The following PTPRD variants were observed in gnomAD, a reference collection of about 807,000 sequenced individuals.
The protein encoded by PTPRD is receptor-type tyrosine-protein phosphatase delta.
Under a neutral mutation model 214.5 loss-of-function variants are expected in PTPRD, and 34 were observed. The ratio of observed to expected loss-of-function variants is 0.16; its 90% CI spans 0.12 to 0.21. The LOEUF is 0.21. Among genes scored for constraint, PTPRD ranks in the 10% least tolerant of loss-of-function variants. The pLI, the probability that PTPRD is intolerant of heterozygous loss-of-function variation, is 1.00. For synonymous variants in PTPRD, 1,128 were observed against 845.7 expected (o/e 1.33, Z -5.79); for missense variants, 2,545 against 2,398.7 (o/e 1.06, Z -1.27).
intron 8 of PTPRD, among the ~76,000 whole-genome samples, chr9:9,415,905 A>G (rs1453174303): frequency 6.6e-6 from 1 of 152,186 alleles, no homozygotes; most frequent in Non-Finnish European, 1.5e-5. Flanking sequence ...CAGGGAGGAC[A>G]GAGCATCATT....
At chr9:9,634,124 T>C (rs1336083957) in intron 7 of PTPRD, among the ~76,000 whole-genome samples, 1 of 152,226 alleles carries the variant, frequency 6.6e-6, no homozygotes, top group Middle Eastern at 3.4e-3. Flanking sequence ...GCTTCAATTG[T>C]GTGGTCAAAA....
At chr9:8,988,244 C>A (rs1042620113) in intron 11 of PTPRD, among the ~76,000 whole-genome samples, 13 of 152,026 alleles carry the variant, frequency 8.6e-5, no homozygotes, top group African/African-American at 2.4e-4. Context: ...GCATAAAAAA[C>A]CCAATTTCAG....
intron 35 of PTPRD, among the ~76,000 whole-genome samples, chr9:8,420,818 T>TTA (rs1554919135): frequency 0.011 from 1,640 of 147,368 alleles, 10 homozygotes; most frequent in African/African-American, 0.017. Context: ...TTTTTTTTTT[T>TTA]AAAAAAAGAA....
intron 7 of PTPRD, among the ~76,000 whole-genome samples, chr9:9,709,527 T>A (rs1345324767): frequency 6.6e-6 from 1 of 152,024 alleles, no homozygotes; most frequent in Non-Finnish European, 1.5e-5. Context: ...AATAATGAGC[T>A]ACTTTGATTT....
chr9:10,079,689 C>T (rs947331684), intron 3 of PTPRD, among the ~76,000 whole-genome samples: 25 of 152,130 alleles, frequency 1.6e-4, no homozygotes, highest in African/African-American at 5.5e-4. Context: ...CAAGATCTTT[C>T]ACAGCTGTAA....
intron 3 of PTPRD, among the ~76,000 whole-genome samples, chr9:10,275,116 A>G (rs1043957455): frequency 1.3e-5 from 2 of 152,208 alleles, no homozygotes; most frequent in African/African-American, 4.8e-5. Flanking sequence ...TCACAAGGAT[A>G]GCACATCTAA....
intron 7 of PTPRD, among the ~76,000 whole-genome samples, chr9:9,637,384 G>A (rs1412486226): frequency 6.6e-6 from 1 of 152,190 alleles, no homozygotes; most frequent in Non-Finnish European, 1.5e-5. Flanking sequence ...TCCAAAATAT[G>A]ATGGTAAAAC....
At chr9:8,907,100 A>G (rs1587808243) in intron 11 of PTPRD, among the ~76,000 whole-genome samples, 1 of 152,148 alleles carries the variant, frequency 6.6e-6, no homozygotes, top group African/African-American at 2.4e-5. Context: ...ACTGCATACT[A>G]CAATAGAGAT....
intron 11 of PTPRD, among the ~76,000 whole-genome samples, chr9:8,735,848 G>T (rs2090177706): frequency 7.0e-6 from 1 of 143,486 alleles, no homozygotes; most frequent in Non-Finnish European, 1.5e-5. Context: ...GGAGACAGAG[G>T]TTTTGGTGAG....
intron 3 of PTPRD, among the ~76,000 whole-genome samples, chr9:10,141,797 A>T (rs1454157720): frequency 1.3e-5 from 2 of 152,180 alleles, no homozygotes; most frequent in Non-Finnish European, 2.9e-5. Flanking sequence ...TTGCCAAGTC[A>T]ATCCTAAGCC....
intron 11 of PTPRD, among the ~76,000 whole-genome samples, chr9:8,833,679 A>C (rs2097346208): frequency 7.2e-6 from 1 of 137,980 alleles, no homozygotes; most frequent in African/African-American, 2.8e-5. Flanking sequence ...GTTGAATGAA[A>C]ACTCTCTCCT....
chr9:9,006,936 CTCTT>C (rs1283655108), intron 11 of PTPRD, among the ~76,000 whole-genome samples: 1 of 151,908 alleles, frequency 6.6e-6, no homozygotes, highest in African/African-American at 2.4e-5. Flanking sequence ...AATCTAATAA[CTCTT>C]TCTTCCTCTG....
At chr9:9,538,710 C>A (rs1363948221) in intron 8 of PTPRD, among the ~76,000 whole-genome samples, 4 of 151,858 alleles carry the variant, frequency 2.6e-5, no homozygotes, top group Admixed American at 2.6e-4. Context: ...GATATTGATA[C>A]ATATACGTCA....
At chr9:9,519,851 A>T (rs2154253449) in intron 8 of PTPRD, among the ~76,000 whole-genome samples, 1 of 152,216 alleles carries the variant, frequency 6.6e-6, no homozygotes, top group African/African-American at 2.4e-5. Context: ...GAACAAGTTG[A>T]TCCCATAATT....
At chr9:10,075,536 GT>G (rs1192508653) in intron 3 of PTPRD, among the ~76,000 whole-genome samples, 2 of 151,568 alleles carry the variant, frequency 1.3e-5, no homozygotes, top group African/African-American at 2.4e-5. Flanking sequence ...TGTATTTATT[GT>G]TATGATTATG....
chr9:9,639,378 G>A (rs1248564992), intron 7 of PTPRD, among the ~76,000 whole-genome samples: 1 of 152,010 alleles, frequency 6.6e-6, no homozygotes, highest in Non-Finnish European at 1.5e-5. Context: ...AAACTCCTTG[G>A]GATATTCATT....
chr9:9,405,026 C>G (rs1239829125), intron 8 of PTPRD, among the ~76,000 whole-genome samples: 1 of 151,984 alleles, frequency 6.6e-6, no homozygotes, highest in Non-Finnish European at 1.5e-5. Context: ...GGATAACATC[C>G]CGGTGGCACC....
At chr9:9,019,183 T>C (rs1041665735) in intron 10 of PTPRD, among the ~76,000 whole-genome samples, 11 of 151,782 alleles carry the variant, frequency 7.2e-5, no homozygotes, top group African/African-American at 1.9e-4. Context: ...AGAAAGCCCA[T>C]TGAGTTTCTT....
chr9:8,558,331 G>C (rs7026937), intron 14 of PTPRD, among the ~76,000 whole-genome samples: 4 of 152,024 alleles, frequency 2.6e-5, no homozygotes, highest in Non-Finnish European at 5.9e-5. Context: ...CATGAGCTGA[G>C]TCACCTGTAC....
Sources: gnomAD v4.1 joint callset for allele counts (sites outside exome capture counted in the v4.1 genomes callset) on GRCh38, gnomAD v4.1.1 for gene constraint, MANE v1.5 for transcripts, NCBI Gene and HGNC (gene_info 2026-07-23, HGNC 2026-07-21) for gene names.